The following DIP2B variants were observed in gnomAD, a reference collection of about 807,000 sequenced individuals.
The protein encoded by DIP2B is DIP2 acetate--CoA ligase B (putative), also known as disco-interacting protein 2 homolog B.
Under a neutral mutation model 198.0 loss-of-function variants are expected in DIP2B, and 76 were observed. The observed-to-expected ratio is 0.38, with a 90% CI of 0.32 to 0.46. The LOEUF (loss-of-function observed/expected upper bound fraction) is 0.46. Ranked by LOEUF, DIP2B falls within the 20% of genes least tolerant of loss-of-function variation. DIP2B has a pLI of 0.99. For synonymous variants in DIP2B, 701 were observed against 739.1 expected (o/e 0.95, Z 0.84); for missense variants, 1,559 against 1,978.4 (o/e 0.79, Z 4.02).
chr12:50,508,306 G>A (rs879581337), intron 1 of DIP2B, among the ~76,000 whole-genome samples: 3 of 152,192 alleles, frequency 2.0e-5, no homozygotes, highest in African/African-American at 7.2e-5. Context: ...AATTTTTAAT[G>A]ATCCACATAT....
chr12:50,609,509 C>A (rs191888676), intron 1 of DIP2B, among the ~76,000 whole-genome samples: 140 of 152,350 alleles, frequency 9.2e-4, no homozygotes, highest in South Asian at 1.9e-3. Flanking sequence ...TCTGGCTCTT[C>A]ACCCTTTGTC....
At chr12:50,582,719 T>C (rs997164142) in intron 1 of DIP2B, among the ~76,000 whole-genome samples, 7 of 152,174 alleles carry the variant, frequency 4.6e-5, no homozygotes, top group Non-Finnish European at 7.3e-5. Context: ...CCATCCACTT[T>C]TCTTCTCCTG....
At chr12:50,560,408 AAG>A (rs1565824672) in intron 1 of DIP2B, among the ~76,000 whole-genome samples, 4 of 149,898 alleles carry the variant, frequency 2.7e-5, no homozygotes, top group Non-Finnish European at 3.0e-5. Context: ...AAAAAAAAAA[AAG>A]CAAAAAACTT....
chr12:50,528,302 TC>T (rs1469128239), intron 1 of DIP2B, among the ~76,000 whole-genome samples: 1 of 151,502 alleles, frequency 6.6e-6, no homozygotes, highest in Non-Finnish European at 1.5e-5. Flanking sequence ...GATAATAGTA[TC>T]TACGTTGTAG....
At chr12:50,527,458 G>A (rs1310155794) in intron 1 of DIP2B, among the ~76,000 whole-genome samples, 1 of 152,134 alleles carries the variant, frequency 6.6e-6, no homozygotes, top group Non-Finnish European at 1.5e-5. Context: ...TGAACTTCAG[G>A]TTTGTCTTTA....
At chr12:50,533,609 T>C (rs10876049) in intron 1 of DIP2B, among the ~76,000 whole-genome samples, 3,081 of 28,780 alleles carry the variant, frequency 0.11, 46 homozygotes, top group Middle Eastern at 0.22. Flanking sequence ...AAGACAACTT[T>C]TTTCCTTTTT....
chr12:50,650,026 T>C (rs1938426340), intron 3 of DIP2B, among the ~76,000 whole-genome samples: 1 of 151,900 alleles, frequency 6.6e-6, no homozygotes, highest in African/African-American at 2.4e-5. Context: ...CTGGCCAACA[T>C]GATGAAACCG....
chr12:50,678,655 C>T, intron 7 of DIP2B, 24 bp from the exon 8 acceptor site: 1 of 1,605,832 alleles, frequency 6.2e-7, no homozygotes, highest in Non-Finnish European at 8.5e-7. Flanking sequence ...ACTCATTTCA[C>T]TCATTGGGAT....
chr12:50,578,075 A>C (rs988098845), intron 1 of DIP2B, among the ~76,000 whole-genome samples: 1 of 152,222 alleles, frequency 6.6e-6, no homozygotes, highest in Non-Finnish European at 1.5e-5. Context: ...GCAGTGGCAC[A>C]ATCTTGGCTC....
intron 1 of DIP2B, among the ~76,000 whole-genome samples, chr12:50,512,298 G>A (rs1410635872): frequency 1.3e-5 from 2 of 151,678 alleles, no homozygotes; most frequent in African/African-American, 4.8e-5. Context: ...GTAGAGACGG[G>A]GTTTCACTAT....
At chr12:50,565,166 T>C (rs1367472192) in intron 1 of DIP2B, among the ~76,000 whole-genome samples, 4 of 151,922 alleles carry the variant, frequency 2.6e-5, no homozygotes, top group Non-Finnish European at 5.9e-5. Context: ...CCACACCTGC[T>C]TTTATTTTTT....
intron 1 of DIP2B, among the ~76,000 whole-genome samples, chr12:50,507,474 T>G (rs1453767696): frequency 1.3e-5 from 2 of 152,190 alleles, no homozygotes; most frequent in Non-Finnish European, 2.9e-5. Flanking sequence ...GGAGCTAAGG[T>G]TTGTTCGTTT....
chr12:50,577,854 G>A (rs1958677671), intron 1 of DIP2B, among the ~76,000 whole-genome samples: 2 of 151,928 alleles, frequency 1.3e-5, no homozygotes, highest in African/African-American at 4.8e-5. Flanking sequence ...CAGGAGTACA[G>A]CATTTTAATA....
intron 28 of DIP2B, among the ~76,000 whole-genome samples, chr12:50,726,477 A>T (rs1446817676): frequency 6.6e-6 from 1 of 152,008 alleles, no homozygotes; most frequent in Non-Finnish European, 1.5e-5. Flanking sequence ...CAGCCTCCCG[A>T]GTAGCTGGGA....
intron 4 of DIP2B, among the ~76,000 whole-genome samples, chr12:50,661,668 T>G (rs553276505): frequency 1.3e-5 from 2 of 152,328 alleles, no homozygotes; most frequent in South Asian, 2.1e-4. Context: ...CCTTCCACAT[T>G]AGTACAGCAC....
At chr12:50,586,798 C>G (rs1958775172) in intron 1 of DIP2B, among the ~76,000 whole-genome samples, 1 of 152,212 alleles carries the variant, frequency 6.6e-6, no homozygotes, top group Non-Finnish European at 1.5e-5. Flanking sequence ...GTCTCAAACT[C>G]CTGACCTCAA....
chr12:50,623,489 A>G (rs1937866331), intron 1 of DIP2B, among the ~76,000 whole-genome samples: 1 of 145,852 alleles, frequency 6.9e-6, no homozygotes, highest in African/African-American at 2.6e-5. Flanking sequence ...AAGTATAAAC[A>G]ATTTAGTATA....
intron 31 of DIP2B, 31 bp downstream of exon 31, chr12:50,731,568 C>T: frequency 6.3e-7 from 1 of 1,588,598 alleles, no homozygotes; most frequent in Non-Finnish European, 8.6e-7. Flanking sequence ...GTGGCCAGTC[C>T]CAAAAGGTTC....
chr12:50,718,883 A>G, intron 24 of DIP2B, 65 bp downstream of exon 24: 1 of 1,611,564 alleles, frequency 6.2e-7, no homozygotes, highest in South Asian at 1.1e-5. Flanking sequence ...TGCAGGTAGC[A>G]GCTGGGGGAT....
Sources: allele counts gnomAD v4.1 joint callset (sites outside exome capture counted in the v4.1 genomes callset), GRCh38; gene constraint gnomAD v4.1.1; transcripts MANE v1.5; gene names NCBI Gene and HGNC (gene_info 2026-07-23, HGNC 2026-07-21).